PAWR: variants seen among roughly 807,000 people sequenced by gnomAD.
PAWR encodes PRKC apoptosis WT1 regulator protein.
A neutral mutation model predicts 32.0 loss-of-function variants in PAWR; 23 were observed. That is an observed-to-expected ratio of 0.72 (90% CI 0.52 to 1.02). The LOEUF (loss-of-function observed/expected upper bound fraction) is 1.02. Ranked by LOEUF, PAWR falls within the 50% of genes least tolerant of loss-of-function variation. The probability of loss-of-function intolerance (pLI) is 0.00; values close to 1 mark genes in which losing one functional copy is unlikely to be tolerated. For missense variants in PAWR, 457 were observed against 437.7 expected, an observed-to-expected ratio of 1.04 and a Z score of -0.39; for synonymous variants, 226 against 187.1, an observed-to-expected ratio of 1.21 and a Z score of -1.70.
At position 79,611,588 on chromosome 12, in the gene PAWR, T is replaced by A. The variant is rs191141442; in HGVS notation, c.683+1987A>T. Among the ~76,000 whole-genome samples, 4 of 152,074 alleles carry A rather than the reference T, an allele frequency of 2.6e-5. No homozygotes were observed. The South Asian group carries it at 6.2e-4, about 24-fold the overall frequency. On this transcript the variant is annotated intron_variant, in intron 4 of 6. Coordinates refer to ENST00000328827, the MANE Select transcript of PAWR (RefSeq NM_002583.4). ...GATAAGAGATAATTTCATATACAGA[T>A]TCTAGGTTTTGTGGCTTTTTAAGTT...
intron 2 of PAWR, among the ~76,000 whole-genome samples, chr12:79,664,133 A>T (rs576753799): frequency 1.6e-4 from 25 of 152,226 alleles, no homozygotes; most frequent in Non-Finnish European, 3.1e-4. Flanking sequence ...ATCACTATTC[A>T]TAAAGGATTA....
intron 4 of PAWR, chr12:79,596,969 A>G (rs1873784948): frequency 4.1e-6 from 1 of 242,084 alleles, no homozygotes; most frequent in African/African-American, 2.2e-5. Context: ...AAAAGGGAAT[A>G]TAACTAATAA....
chr12:79,670,038 T>C (rs1268517232), intron 2 of PAWR, among the ~76,000 whole-genome samples: 2 of 152,140 alleles, frequency 1.3e-5, no homozygotes, highest in Non-Finnish European at 2.9e-5. Flanking sequence ...CTAAGAAAAA[T>C]GTAAATATTT....
At chr12:79,659,812 AT>A (rs568911892) in intron 2 of PAWR, among the ~76,000 whole-genome samples, 19 of 151,918 alleles carry the variant, frequency 1.3e-4, no homozygotes, top group African/African-American at 4.1e-4. Context: ...ATCCTGTTTA[AT>A]TTTTTTTCTC....
intron 2 of PAWR, among the ~76,000 whole-genome samples, chr12:79,659,247 T>C (rs1056354252): frequency 2.0e-5 from 3 of 150,586 alleles, no homozygotes. Context: ...TGAGCCAAGA[T>C]GGCGCCACTG....
chr12:79,671,726 A>G lies in PAWR; in HGVS notation c.516+18003T>C, dbSNP rs78871150. On this transcript the variant is annotated intron_variant, in intron 2 of 6. Transcript: ENST00000328827. ...ATGAACTTAGAACAATGCCTAGCAT[A>G]TACTCAAAATGTTAAGATTATTTAT... Among the ~76,000 whole-genome samples, 183 of 151,870 alleles carry G rather than the reference A, an allele frequency of 1.2e-3. 3 individuals are homozygous for G. In the East Asian group the frequency reaches 0.034, roughly 28 times the overall value.
chr12:79,607,742 A>AT (rs1874248093), intron 4 of PAWR, among the ~76,000 whole-genome samples: 1 of 127,666 alleles, frequency 7.8e-6, no homozygotes, highest in South Asian at 2.2e-4. Flanking sequence ...AAAAAAAAAA[A>AT]AAATAATAAT....
chr12:79,646,355 G>A (rs1264776684), intron 2 of PAWR, among the ~76,000 whole-genome samples: 1 of 152,110 alleles, frequency 6.6e-6, no homozygotes, highest in Non-Finnish European at 1.5e-5. Context: ...TGTAGATACT[G>A]AACTAAAGAC....
At chr12:79,678,904 G>C (rs1183439656) in intron 2 of PAWR, among the ~76,000 whole-genome samples, 1 of 144,032 alleles carries the variant, frequency 6.9e-6, no homozygotes, top group Non-Finnish European at 1.5e-5. Flanking sequence ...GGGAGGCACA[G>C]GATGGTGGTT....
intron 2 of PAWR, among the ~76,000 whole-genome samples, chr12:79,649,317 G>A (rs1257693616): frequency 2.0e-5 from 3 of 152,012 alleles, no homozygotes; most frequent in African/African-American, 4.8e-5. Context: ...GTATTACAAA[G>A]GGCAGCTTTT....
chr12:79,662,948 G>A (rs1877419223), intron 2 of PAWR, among the ~76,000 whole-genome samples: 3 of 152,070 alleles, frequency 2.0e-5, no homozygotes, highest in Admixed American at 6.5e-5. Flanking sequence ...TTGAGAATGA[G>A]AACCTCTTAC....
chr12:79,684,380 G>A (rs1878584329), intron 2 of PAWR, among the ~76,000 whole-genome samples: 1 of 152,140 alleles, frequency 6.6e-6, no homozygotes, highest in Non-Finnish European at 1.5e-5. Context: ...GGAGGCTGAG[G>A]CGGGTAGATC....
intron 2 of PAWR, among the ~76,000 whole-genome samples, chr12:79,667,467 T>A (rs1485397977): frequency 2.6e-5 from 4 of 152,196 alleles, no homozygotes; most frequent in Non-Finnish European, 5.9e-5. Context: ...CAGCAAAATC[T>A]AGACTGTGAG....
At chr12:79,655,758 TTCTC>T (rs1246664573) in intron 2 of PAWR, among the ~76,000 whole-genome samples, 10 of 152,350 alleles carry the variant, frequency 6.6e-5, no homozygotes, top group South Asian at 6.2e-4. Context: ...CAGAGCATCT[TTCTC>T]TATAGTCAAG....
At chr12:79,641,031 T>A (rs1157917854) in intron 2 of PAWR, among the ~76,000 whole-genome samples, 1 of 152,246 alleles carries the variant, frequency 6.6e-6, no homozygotes, top group Non-Finnish European at 1.5e-5. Flanking sequence ...ATCCTAATTT[T>A]ATCTAATTAC....
At chr12:79,625,995 T>A (rs1875286754) in intron 2 of PAWR, among the ~76,000 whole-genome samples, 1 of 148,472 alleles carries the variant, frequency 6.7e-6, no homozygotes, top group Non-Finnish European at 1.5e-5. Flanking sequence ...AAACCCCATC[T>A]CTACTAAAAA....
At chr12:79,655,864 C>T (rs1253589364) in intron 2 of PAWR, among the ~76,000 whole-genome samples, 1 of 152,164 alleles carries the variant, frequency 6.6e-6, no homozygotes, top group East Asian at 1.9e-4. Context: ...AAAATTCCTA[C>T]CCTTGTGGGG....
chr12:79,591,080 GAA>G lies in PAWR; in HGVS notation c.*1525_*1526del, dbSNP rs1252095180. 1 of 152,130 alleles carries G rather than the reference GAA, an allele frequency of 6.6e-6. No homozygotes were observed. Among genetic ancestry groups the G allele is most frequent in the Non-Finnish European group, 1.5e-5 (1 of 68,028 alleles). The allele number at this position is 152,130 out of a possible 1,614,324, so 9.4% of individuals were successfully genotyped here. ...CAGATGGTAACCTTTAAAAATTGTG[GAA>G]TCCAGAGTCTCAACCTAAACCTACA... is the stretch of plus-strand genomic sequence containing the variant. On this transcript the variant is annotated 3_prime_UTR_variant, in exon 7 of 7. Coordinates refer to ENST00000328827, the MANE Select transcript of PAWR (RefSeq NM_002583.4).
intron 2 of PAWR, among the ~76,000 whole-genome samples, chr12:79,649,359 TATATA>T (rs1348937726): frequency 9.9e-5 from 15 of 152,144 alleles, no homozygotes; most frequent in African/African-American, 3.4e-4. Context: ...TGATATATTA[TATATA>T]ATATACCATA....
Sources: gnomAD v4.1 joint callset for allele counts (sites outside exome capture counted in the v4.1 genomes callset) on GRCh38, gnomAD v4.1.1 for gene constraint, MANE v1.5 for transcripts, NCBI Gene and HGNC (gene_info 2026-07-23, HGNC 2026-07-21) for gene names.